SHISAL1: variants seen among roughly 807,000 people sequenced by gnomAD.
The protein encoded by SHISAL1 is shisa like 1, also known as protein shisa-like-1.
In SHISAL1, 9 loss-of-function variants were observed where a neutral mutation model predicts 22.6. The observed-to-expected ratio is 0.40, with a 90% CI of 0.24 to 0.70. The LOEUF is 0.70. Ranked by LOEUF, SHISAL1 falls within the 30% of genes least tolerant of loss-of-function variation. The probability of loss-of-function intolerance (pLI) is 0.39; values close to 1 mark genes in which losing one functional copy is unlikely to be tolerated. For synonymous variants in SHISAL1, 119 were observed against 115.4 expected (o/e 1.03, Z -0.20); for missense variants, 246 against 270.6 (o/e 0.91, Z 0.64).
chr22:44,316,569 G>C (rs2055559726), upstream of SHISAL1, among the ~76,000 whole-genome samples: 1 of 152,182 alleles, frequency 6.6e-6, no homozygotes, highest in African/African-American at 2.4e-5. Flanking sequence ...ACATGAATGA[G>C]TGATGGTGTG....
At chr22:44,287,367 C>T (rs2055323695) in intron 3 of SHISAL1, among the ~76,000 whole-genome samples, 1 of 152,220 alleles carries the variant, frequency 6.6e-6, no homozygotes, top group Admixed American at 6.5e-5. Flanking sequence ...AGAATGCCTT[C>T]CCTCCTCTCA....
In SHISAL1 at chr22:44,243,844, A is replaced by T. The variant is rs2054975684; in HGVS notation, c.*5841T>A. On this transcript the variant is annotated 3_prime_UTR_variant, in exon 5 of 5. Transcript: ENST00000381176. ...TTGGTTTTCCCGGTTATCAGCTCTC[A>T]GGGAGACCCCATGCCTGCTCACATG... 1.3e-5 allele frequency: 2 copies of T among 152,210 alleles called. No individual in the cohort carries two copies. The highest frequency in any genetic ancestry group is 1.3e-4 in the Admixed American group (2 of 15,282). The allele number at this position is 152,210 out of a possible 1,614,324, so 9.4% of individuals were successfully genotyped here. A position where few individuals can be genotyped will look rare whatever the true frequency, so the allele number is the denominator to read the frequency against.
chr22:44,301,156 C>G (rs978278471), intron 1 of SHISAL1, among the ~76,000 whole-genome samples, 179 bp from the exon 2 acceptor site: 1 of 152,212 alleles, frequency 6.6e-6, no homozygotes, highest in Admixed American at 6.5e-5. Context: ...GAATGAATGA[C>G]CTTCCCCCAC....
rs550241107 is a variant in SHISAL1, at chr22:44,274,362, G to A, written c.599+11066C>T. On this transcript the variant is annotated intron_variant, in intron 4 of 4. Coordinates refer to ENST00000381176, the MANE Select transcript of SHISAL1 (RefSeq NM_001099294.2). Reference sequence around the variant, plus strand: ...CCAGCCCTTTGGGAATGAGGCTGGCGCTGGAATCGAGACCCATAAAACTGT... The same window carrying A: ...CCAGCCCTTTGGGAATGAGGCTGGCACTGGAATCGAGACCCATAAAACTGT... 2.4e-4 allele frequency among the ~76,000 whole-genome samples: 36 copies of A among 152,190 alleles called. 1 individual carries two copies. In the South Asian group the frequency reaches 6.2e-3, roughly 26 times the overall value.
chr22:44,285,396 A>G (rs374878419), intron 4 of SHISAL1, 32 bp downstream of exon 4: 10 of 1,601,664 alleles, frequency 6.2e-6, no homozygotes, highest in Non-Finnish European at 8.6e-6. Context: ...CAATGACCCA[A>G]ATCATTCTGG....
rs2055031800 is a variant in SHISAL1, at chr22:44,249,563, T to G, written c.*122A>C. On this transcript the variant is annotated 3_prime_UTR_variant, in exon 5 of 5. Coordinates refer to ENST00000381176, the MANE Select transcript of SHISAL1 (RefSeq NM_001099294.2). ...GGCTTTGGGCACAGGCAGCATTTCC[T>G]CCTGTGCCACCGCCGCTACCTCGGC... The G allele has an allele frequency of 1.5e-6, 1 of 683,988 alleles. No homozygotes were observed. The highest frequency in any genetic ancestry group is 2.8e-6 in the Non-Finnish European group (1 of 363,314). The allele number at this position is 683,988 out of a possible 1,614,324, so 42.4% of individuals were successfully genotyped here.
At chr22:44,272,540 C>T (rs749331984) in intron 4 of SHISAL1, among the ~76,000 whole-genome samples, 2 of 152,200 alleles carry the variant, frequency 1.3e-5, no homozygotes, top group Admixed American at 6.5e-5. Context: ...GCAACAAACA[C>T]GGATTGTTCC....
Position 44,249,667 on chromosome 22 carries a change from G to A in SHISAL1, c.*18C>T, listed in dbSNP as rs370835117. On this transcript the variant is annotated 3_prime_UTR_variant, in exon 5 of 5. Coordinates refer to ENST00000381176, the MANE Select transcript of SHISAL1 (RefSeq NM_001099294.2). ...TCAGATCTCATCTCCCCCATCCTGA[G>A]GCACAGCAAAAGCGTTTTCTGGAGG... 3.8e-4 allele frequency: 298 copies of A among 779,702 alleles called. No homozygotes were observed. Among genetic ancestry groups the A allele is most frequent in the Admixed American group, 6.6e-4 (39 of 59,006 alleles). The allele number at this position is 779,702 out of a possible 1,614,324, so 48.3% of individuals were successfully genotyped here. A position where few individuals can be genotyped will look rare whatever the true frequency, so the allele number is the denominator to read the frequency against.
At chr22:44,251,936 TTATGC>T (rs68055637) in intron 4 of SHISAL1, among the ~76,000 whole-genome samples, 14,429 of 152,230 alleles carry the variant, frequency 0.095, 1,161 homozygotes, top group East Asian at 0.27. Context: ...AAATGTTATG[TTATGC>T]GCACTTTACC....
chr22:44,245,458 T>C lies in SHISAL1; in HGVS notation c.*4227A>G, dbSNP rs1601768827. On this transcript the variant is annotated 3_prime_UTR_variant, in exon 5 of 5. Coordinates refer to ENST00000381176, the MANE Select transcript of SHISAL1 (RefSeq NM_001099294.2). ...CATGGGAGAAATCTGTAAATTCACT[T>C]CCGAAGGCTTTTCCTGTTGATGGGG... 6.6e-6 allele frequency: 1 copy of C among 152,354 alleles called. No individual in the cohort carries two copies. Among genetic ancestry groups the C allele is most frequent in the East Asian group, 1.9e-4 (1 of 5,184 alleles). The allele number at this position is 152,354 out of a possible 1,614,324, so 9.4% of individuals were successfully genotyped here.
upstream of SHISAL1, among the ~76,000 whole-genome samples, chr22:44,315,170 C>T (rs938447850): frequency 1.3e-5 from 2 of 151,990 alleles, no homozygotes; most frequent in South Asian, 2.1e-4. Flanking sequence ...CTGCCGAGGG[C>T]GAATACCAGG....
At position 44,257,408 on chromosome 22, in the gene SHISAL1, C is replaced by T. The variant is rs117373967; in HGVS notation, c.*-7723G>A. ...AGCTGTCCTCAGCCACCTCCCATAC[C>T]GTGCTTTCCTTCCCTGGGCATTGGT... On this transcript the variant is annotated intron_variant, in intron 4 of 4. Transcript: ENST00000381176. Among the ~76,000 whole-genome samples the T allele has an allele frequency of 2.4e-4, 36 of 152,268 alleles. No individual in the cohort carries two copies. In the East Asian group the frequency reaches 6.2e-3, roughly 26 times the overall value.
chr22:44,282,982 C>T (rs1021439298), intron 4 of SHISAL1, among the ~76,000 whole-genome samples: 3 of 152,202 alleles, frequency 2.0e-5, no homozygotes, highest in Admixed American at 6.5e-5. Flanking sequence ...CTGGGTCACA[C>T]AGCTGGGAGG....
chr22:44,263,787 G>A (rs2147275004), intron 4 of SHISAL1, among the ~76,000 whole-genome samples: 2 of 152,322 alleles, frequency 1.3e-5, no homozygotes, highest in African/African-American at 4.8e-5. Flanking sequence ...GTGGCCTCCA[G>A]CAGGGCCCCG....
chr22:44,252,465 C>T (rs1205706938), intron 4 of SHISAL1, among the ~76,000 whole-genome samples: 3 of 151,906 alleles, frequency 2.0e-5, no homozygotes, highest in African/African-American at 7.3e-5. Context: ...ATCTAGAAGA[C>T]ATACACACAG....
At chr22:44,276,687 C>G (rs376578207) in intron 4 of SHISAL1, among the ~76,000 whole-genome samples, 2 of 152,218 alleles carry the variant, frequency 1.3e-5, no homozygotes, top group East Asian at 3.9e-4. Flanking sequence ...GCCGGTCCCC[C>G]ACGTCTATGG....
Position 44,249,596 on chromosome 22 carries a change from G to T in SHISAL1, c.*89C>A, listed in dbSNP as rs1465776761. The T allele has an allele frequency of 9.2e-6, 7 of 764,382 alleles. No individual in the cohort carries two copies. Among genetic ancestry groups the T allele is most frequent in the African/African-American group, 3.5e-5 (2 of 57,784 alleles). 47.3% of individuals were successfully genotyped at this position (764,382 alleles called of 1,614,324 possible). Reference sequence around the variant, plus strand: ...CACCGCCGCTACCTCGGCTGTCCCTGGCATCTCTGTAGAAGTTGTTCTTCT... The same window carrying T: ...CACCGCCGCTACCTCGGCTGTCCCTTGCATCTCTGTAGAAGTTGTTCTTCT... On this transcript the variant is annotated 3_prime_UTR_variant, in exon 5 of 5. Transcript: ENST00000381176.
At chr22:44,315,041 GT>G (rs2055549411), upstream of SHISAL1, among the ~76,000 whole-genome samples, 4 of 152,298 alleles carry the variant, frequency 2.6e-5, no homozygotes, top group African/African-American at 9.6e-5. Flanking sequence ...GTGGGGTGAA[GT>G]GGGCCCTGCT....
In SHISAL1 at chr22:44,265,994, G is replaced by A. The variant is rs1381127082; in HGVS notation, c.*-16309C>T. Reference sequence around the variant, plus strand: ...GCTGGTGTCTGGATCAGGCTTCTCTGCATCACAGCTTCATCCCCTTCTCTG... The same window carrying A: ...GCTGGTGTCTGGATCAGGCTTCTCTACATCACAGCTTCATCCCCTTCTCTG... On this transcript the variant is annotated intron_variant, in intron 4 of 4. Transcript: ENST00000381176. Among the ~76,000 whole-genome samples the A allele has an allele frequency of 5.9e-5, 9 of 152,196 alleles. No individual in the cohort carries two copies. In the South Asian group the frequency reaches 1.7e-3, roughly 28 times the overall value.
Sources: allele counts gnomAD v4.1 joint callset (sites outside exome capture counted in the v4.1 genomes callset), GRCh38; gene constraint gnomAD v4.1.1; transcripts MANE v1.5; gene names NCBI Gene and HGNC (gene_info 2026-07-23, HGNC 2026-07-21).